The following GPHN variants were observed in gnomAD, a reference collection of about 807,000 sequenced individuals.
GPHN encodes gephyrin.
In GPHN, 17 loss-of-function variants were observed where a neutral mutation model predicts 95.5. The observed-to-expected ratio is 0.18, with a 90% CI of 0.12 to 0.27. The LOEUF (loss-of-function observed/expected upper bound fraction) is 0.27. Ranked by LOEUF, GPHN falls within the 10% of genes least tolerant of loss-of-function variation. The probability of loss-of-function intolerance (pLI) is 1.00; values close to 1 mark genes in which losing one functional copy is unlikely to be tolerated. For synonymous variants in GPHN, 320 were observed against 322.5 expected (o/e 0.99, Z 0.08); for missense variants, 660 against 978.1 (o/e 0.67, Z 4.34).
At chr14:66,673,093 T>A (rs979124812) in intron 1 of GPHN, among the ~76,000 whole-genome samples, 6 of 152,096 alleles carry the variant, frequency 3.9e-5, no homozygotes, top group East Asian at 1.9e-4. Context: ...TTTTAATTTT[T>A]ATTTTTATTA....
intron 5 of GPHN, among the ~76,000 whole-genome samples, chr14:66,893,453 A>G (rs1381981622): frequency 1.3e-5 from 2 of 152,196 alleles, no homozygotes; most frequent in Non-Finnish European, 2.9e-5. Context: ...AAACTGGCAC[A>G]AGACAGGGAT....
intron 17 of GPHN, among the ~76,000 whole-genome samples, chr14:67,134,950 C>CTTTTTTTTTTTTT (rs2079966122): frequency 4.1e-5 from 2 of 48,990 alleles, no homozygotes; most frequent in Admixed American, 2.0e-4. Context: ...TTCTTTCTTT[C>CTTTTTTTTTTTTT]TTCTTTTTTT....
chr14:66,971,201 GC>G (rs1298544969), intron 9 of GPHN, among the ~76,000 whole-genome samples: 1 of 152,184 alleles, frequency 6.6e-6, no homozygotes, highest in Non-Finnish European at 1.5e-5. Flanking sequence ...GTTGGCACAT[GC>G]CTGTAATCCC....
At chr14:67,722,451 T>C in the GPHN span, 1 of 672,654 alleles carries the variant, frequency 1.5e-6, no homozygotes, top group South Asian at 1.6e-5. Flanking sequence ...GGCTGTGCTC[T>C]GACAGCTCTT....
intron 2 of GPHN, among the ~76,000 whole-genome samples, chr14:66,735,267 C>T (rs1406608840): frequency 2.6e-5 from 4 of 152,020 alleles, no homozygotes; most frequent in Non-Finnish European, 4.4e-5. Context: ...CAAGGTAGTT[C>T]GCAGTTTCAG....
At chr14:67,033,818 T>C (rs72730457) in intron 10 of GPHN, among the ~76,000 whole-genome samples, 6,618 of 151,910 alleles carry the variant, frequency 0.044, 186 homozygotes, top group Middle Eastern at 0.068. Flanking sequence ...AAGAGAAAAT[T>C]TGAAAGGAGC....
intron 2 of GPHN, among the ~76,000 whole-genome samples, chr14:66,774,540 T>A (rs1399413320): frequency 6.6e-6 from 1 of 152,234 alleles, no homozygotes; most frequent in African/African-American, 2.4e-5. Flanking sequence ...TGGACATTTT[T>A]ATAATATAAT....
At chr14:67,230,870 C>T in the GPHN span, among the ~76,000 whole-genome samples, 1 of 152,166 alleles carries the variant, frequency 6.6e-6, no homozygotes, top group South Asian at 2.1e-4. Context: ...TAAATAGTTC[C>T]AGAAATAAAT....
chr14:66,723,367 A>G (rs2070936831), intron 2 of GPHN, among the ~76,000 whole-genome samples: 1 of 149,652 alleles, frequency 6.7e-6, no homozygotes, highest in Admixed American at 6.7e-5. Context: ...TTTTGGTTAT[A>G]ACCTTTTATA....
At chr14:67,663,043 G>T in the GPHN span, 1 of 1,427,698 alleles carries the variant, frequency 7.0e-7, no homozygotes, top group Non-Finnish European at 9.1e-7. Context: ...CTTGCTGAGA[G>T]GCTGTCTGGT....
At chr14:67,725,351 TC>T in the GPHN span, 1 of 1,259,388 alleles carries the variant, frequency 7.9e-7, no homozygotes, top group Non-Finnish European at 1.1e-6. Flanking sequence ...AGAACCATCA[TC>T]CACCCCACTA....
the GPHN span, among the ~76,000 whole-genome samples, chr14:67,281,933 T>C: frequency 6.6e-6 from 1 of 152,274 alleles, no homozygotes; most frequent in East Asian, 1.9e-4. Context: ...AAAGTACCTA[T>C]GTGTGGTCCT....
rs1425805863 is a variant in GPHN, at chr14:66,965,227, C to T, written c.865C>T (p.Leu289Phe). 1.4e-5 allele frequency: 23 copies of T among 1,608,870 alleles called. No individual in the cohort carries two copies. Among genetic ancestry groups the T allele is most frequent in the East Asian group, 4.5e-5 (2 of 44,852 alleles). Residue 289 changes from leucine to phenylalanine, a missense_variant, in exon 9 of 23, where the codon CTC (leucine) becomes TTC (phenylalanine). Around this residue, in one of 6 missense-constraint regions of GPHN, gnomAD observed 190 missense variants for 224.7 expected, o/e 0.85. Transcript: ENST00000478722. Reference sequence around the variant, plus strand: ...CATCATTTCTCGTGGTGTTCAGGTGCTCCCACGAGACACAGCCTCCCTCAG... The same window carrying T: ...CATCATTTCTCGTGGTGTTCAGGTGTTCCCACGAGACACAGCCTCCCTCAG... Reference protein sequence around the residue: ...DSIISRGVQVLPRDTASLSTT... With the variant: ...DSIISRGVQVFPRDTASLSTT...
intron 4 of GPHN, among the ~76,000 whole-genome samples, chr14:66,859,613 C>T (rs2062946491): frequency 6.6e-6 from 1 of 152,190 alleles, no homozygotes. Flanking sequence ...AACATCACCT[C>T]ACACTACAAA....
At chr14:67,519,469 T>C in the GPHN span, among the ~76,000 whole-genome samples, 1 of 151,844 alleles carries the variant, frequency 6.6e-6, no homozygotes, top group Non-Finnish European at 1.5e-5. Flanking sequence ...GCATAAAGAG[T>C]CAAATTTGCC....
the GPHN span, among the ~76,000 whole-genome samples, chr14:67,275,971 C>G: frequency 0.15 from 23,517 of 152,034 alleles, 3,431 homozygotes; most frequent in East Asian, 0.42. Flanking sequence ...GTGATACCCC[C>G]TTTATCATTT....
At chr14:67,385,047 G>C in the GPHN span, 1 of 152,114 alleles carries the variant, frequency 6.6e-6, no homozygotes, top group South Asian at 2.1e-4. Flanking sequence ...TGGTGGCGTC[G>C]ATGGTGAGTG....
intron 11 of GPHN, among the ~76,000 whole-genome samples, chr14:67,076,536 A>T (rs1314507681): frequency 1.3e-5 from 2 of 152,106 alleles, no homozygotes; most frequent in African/African-American, 4.8e-5. Context: ...CCTTAGCCTT[A>T]GTTAATATTG....
At chr14:67,654,189 C>T in the GPHN span, among the ~76,000 whole-genome samples, 1 of 152,204 alleles carries the variant, frequency 6.6e-6, no homozygotes, top group East Asian at 1.9e-4. Flanking sequence ...TCACTGCAGC[C>T]TCGACCTCCC....
Sources: gnomAD v4.1 joint callset for allele counts (sites outside exome capture counted in the v4.1 genomes callset) on GRCh38, gnomAD v4.1.1 for gene constraint, gnomAD v4.1.1 regional missense constraint, MANE v1.5 for transcripts, NCBI Gene and HGNC (gene_info 2026-07-23, HGNC 2026-07-21) for gene names.